MOSPD1: variants seen among roughly 807,000 people sequenced by gnomAD.
MOSPD1 encodes the protein motile sperm domain-containing protein 1.
A neutral mutation model predicts 16.7 loss-of-function variants in MOSPD1; 5 were observed. The observed-to-expected ratio is 0.30, with a 90% CI of 0.16 to 0.63. The LOEUF (loss-of-function observed/expected upper bound fraction) is 0.63. Among genes scored for constraint, MOSPD1 ranks in the 30% least tolerant of loss-of-function variants. The probability of loss-of-function intolerance (pLI) is 0.82; values close to 1 mark genes in which losing one functional copy is unlikely to be tolerated. For synonymous variants in MOSPD1, 67 were observed against 59.2 expected (o/e 1.13, Z -0.61); for missense variants, 104 against 153.6 (o/e 0.68, Z 1.71).
intron 1 of MOSPD1, among the ~76,000 whole-genome samples, chrX:134,905,230 G>A (rs996322816): frequency 4.1e-4 from 45 of 109,336 alleles, no homozygotes; most frequent in Non-Finnish European, 3.4e-4. Context: ...CACGCCAGGC[G>A]TGGTGGCGGG....
In MOSPD1 at chrX:134,889,086, G is replaced by T; in HGVS notation, c.*75C>A. On this transcript the variant is annotated 3_prime_UTR_variant, in exon 6 of 6. Transcript: ENST00000370783. The stretch of plus-strand genomic sequence containing the variant: ...ATAGTTTGTTGCATGTTAATGGAGT[G>T]AAATAGAGATAAAAGGCAGTCCACA... 1 of 769,491 alleles carries T rather than the reference G, an allele frequency of 1.3e-6. No individual in the cohort carries two copies. Among genetic ancestry groups the T allele is most frequent in the Non-Finnish European group, 1.9e-6 (1 of 516,068 alleles). The allele number at this position is 769,491 out of a possible 1,213,427, so 63.4% of individuals were successfully genotyped here.
chrX:134,908,517 C>T (rs1212517389), intron 1 of MOSPD1, among the ~76,000 whole-genome samples: 1 of 111,698 alleles, frequency 9.0e-6, no homozygotes, highest in Non-Finnish European at 1.9e-5. Context: ...ACTGTGCCAG[C>T]AAGCATTTAG....
At position 134,891,633 on chromosome X, in the gene MOSPD1, T is replaced by C; in HGVS notation, c.456A>G (p.Arg152=). Residue 152 remains arginine, a synonymous_variant, in exon 5 of 6, where the codon AGA becomes AGG. Coordinates refer to ENST00000370783, the MANE Select transcript of MOSPD1 (RefSeq NM_019556.3). ...GTAAACTAGGTCCTGAGGATACAGC[T>C]CTGTTTTCTGTAAAAAGACAAAAAT... The part of the protein sequence containing the change: ...FFEQSFQPEN[R]AVSSGPSLLT... 8.3e-7 allele frequency: 1 copy of C among 1,203,939 alleles called. No homozygotes were observed. Among genetic ancestry groups the C allele is most frequent in the Non-Finnish European group, 1.1e-6 (1 of 893,517 alleles).
At chrX:134,889,301 C>A in intron 5 of MOSPD1, 109 bp from the exon 6 acceptor site, 1 of 521,161 alleles carries the variant, frequency 1.9e-6, no homozygotes, top group Admixed American at 4.3e-5. Context: ...AGCACATAGG[C>A]AGGCACTCTA....
Position 134,899,402 on chromosome X carries a change from A to G in MOSPD1, c.32T>C (p.Val11Ala), listed in dbSNP as rs2082901509. 3 of 1,188,808 alleles carry G rather than the reference A, an allele frequency of 2.5e-6. No homozygotes were observed. The highest frequency in any genetic ancestry group is 3.4e-6 in the Non-Finnish European group (3 of 888,353). ...CACGAAAACAGGAAGATTTCCTTCC[A>G]CTAACTCTGGTTGTCTTTTTTGTTG... MHQQKRQPELVEGNLPVFVFP... is the reference protein window; with the variant it reads MHQQKRQPELAEGNLPVFVFP... Residue 11 changes from valine to alanine, a missense_variant, in exon 2 of 6, where the codon GTG becomes GCG. Physicochemically the swap from Val to Ala is moderately conservative, Grantham distance 64 (BLOSUM62 0). Transcript: ENST00000370783.
intron 5 of MOSPD1, among the ~76,000 whole-genome samples, chrX:134,889,558 C>T (rs931102378): frequency 6.3e-5 from 7 of 111,824 alleles, no homozygotes; most frequent in African/African-American, 2.3e-4. Flanking sequence ...TACCTGTATC[C>T]CAGGGCCCTA....
At chrX:134,914,940 G>A (rs2082990510) in intron 1 of MOSPD1, among the ~76,000 whole-genome samples, 1 of 112,625 alleles carries the variant, frequency 8.9e-6, no homozygotes, top group Admixed American at 9.3e-5. Context: ...GCCAGACCCT[G>A]GGGCCGGGCG....
intron 4 of MOSPD1, among the ~76,000 whole-genome samples, chrX:134,893,018 C>T (rs1249308007): frequency 8.9e-6 from 1 of 111,895 alleles, no homozygotes; most frequent in East Asian, 2.8e-4. Context: ...TGTCATATGG[C>T]TTTTCCCACT....
chrX:134,906,137 C>A (rs758187038), intron 1 of MOSPD1, among the ~76,000 whole-genome samples: 1 of 93,849 alleles, frequency 1.1e-5, no homozygotes, highest in Non-Finnish European at 2.1e-5. Flanking sequence ...GAGCAGTTTA[C>A]TATTATTTCT....
Position 134,889,066 on chromosome X carries a change from T to C in MOSPD1, c.*95A>G, listed in dbSNP as rs2082848545. On this transcript the variant is annotated 3_prime_UTR_variant, in exon 6 of 6. Coordinates refer to ENST00000370783, the MANE Select transcript of MOSPD1 (RefSeq NM_019556.3). ...CAATTATTTGAAATCATTCAATAGT[T>C]TGTTGCATGTTAATGGAGTGAAATA... The C allele has an allele frequency of 1.9e-6, 1 of 513,135 alleles. No individual in the cohort carries two copies. The highest frequency in any genetic ancestry group is 3.9e-5 in the East Asian group (1 of 25,833). 42.3% of individuals were successfully genotyped at this position (513,135 alleles called of 1,213,427 possible).
intron 1 of MOSPD1, among the ~76,000 whole-genome samples, chrX:134,904,931 G>A (rs1199166113): frequency 9.0e-6 from 1 of 110,955 alleles, no homozygotes; most frequent in African/African-American, 3.3e-5. Flanking sequence ...ATAAAGTACA[G>A]TCTATCCATT....
chrX:134,903,000 C>CT (rs754568829), intron 1 of MOSPD1, among the ~76,000 whole-genome samples: 96 of 98,547 alleles, frequency 9.7e-4, no homozygotes, highest in African/African-American at 1.2e-3. Flanking sequence ...GATGTGTTCT[C>CT]TTTTTTTTTT....
At chrX:134,909,309 G>T (rs921415820) in intron 1 of MOSPD1, among the ~76,000 whole-genome samples, 1 of 111,875 alleles carries the variant, frequency 8.9e-6, no homozygotes, top group Non-Finnish European at 1.9e-5. Context: ...AGAAGCAAGT[G>T]AAGTAAGTGG....
intron 1 of MOSPD1, among the ~76,000 whole-genome samples, chrX:134,911,048 G>C (rs1337799444): frequency 8.9e-6 from 1 of 112,148 alleles, no homozygotes; most frequent in Non-Finnish European, 1.9e-5. Flanking sequence ...TTTAAATATA[G>C]GGATAAGGTC....
rs1487813934 is a variant in MOSPD1, at chrX:134,900,328, A to C, written c.-101-794T>G. On this transcript the variant is annotated intron_variant, in intron 1 of 5. Transcript: ENST00000370783. ...AACCATGAGAATCATTTTTACACTC[A>C]TGTCAACAATACTTTATTTAGTGCC... Among the ~76,000 whole-genome samples, 8 of 112,463 alleles carry C rather than the reference A, an allele frequency of 7.1e-5. No individual in the cohort carries two copies. In the South Asian group the frequency reaches 2.9e-3, roughly 41 times the overall value.
intron 1 of MOSPD1, among the ~76,000 whole-genome samples, chrX:134,913,677 A>G (rs1419124146): frequency 8.9e-6 from 1 of 112,149 alleles, no homozygotes; most frequent in Non-Finnish European, 1.9e-5. Flanking sequence ...GAGTAACTTT[A>G]TACTGAATAT....
intron 5 of MOSPD1, among the ~76,000 whole-genome samples, chrX:134,889,757 A>G (rs895819168): frequency 9.0e-5 from 10 of 111,688 alleles, no homozygotes; most frequent in Admixed American, 1.9e-4. Context: ...GTTGCCCCCA[A>G]TGATAAAAAG....
intron 1 of MOSPD1, among the ~76,000 whole-genome samples, chrX:134,903,825 G>T (rs1325252980): frequency 1.8e-5 from 2 of 110,954 alleles, no homozygotes; most frequent in Non-Finnish European, 3.8e-5. Context: ...CAGATCACGA[G>T]GTCAGGAGTT....
At chrX:134,903,776 C>T (rs934452536) in intron 1 of MOSPD1, among the ~76,000 whole-genome samples, 17 of 109,009 alleles carry the variant, frequency 1.6e-4, no homozygotes, top group Non-Finnish European at 3.0e-4. Context: ...CTCGGTGGCT[C>T]ACGCCTGTAA....
Sources: gnomAD v4.1 joint callset for allele counts (sites outside exome capture counted in the v4.1 genomes callset) on GRCh38, gnomAD v4.1.1 for gene constraint, MANE v1.5 for transcripts, NCBI Gene and HGNC (gene_info 2026-07-23, HGNC 2026-07-21) for gene names.